Variants in CCDC85A observed in about 807,000 individuals in gnomAD.
The protein encoded by CCDC85A is coiled-coil domain-containing protein 85A.
CCDC85A carries 38 observed loss-of-function variants against 50.2 expected under a neutral mutation model. The observed-to-expected ratio is 0.76, with a 90% confidence interval of 0.58 to 0.99. The LOEUF is 0.99. Among genes scored for constraint, CCDC85A ranks in the 50% least tolerant of loss-of-function variants. The pLI is 0.00. For synonymous variants in CCDC85A, 366 were observed against 301.4 expected, an observed-to-expected ratio of 1.21 and a Z score of -2.22; for missense variants, 820 against 742.0, an observed-to-expected ratio of 1.11 and a Z score of -1.22.
At chr2:56,220,106 C>A (rs1001039258) in intron 2 of CCDC85A, among the ~76,000 whole-genome samples, 1 of 151,928 alleles carries the variant, frequency 6.6e-6, no homozygotes, top group African/African-American at 2.4e-5. Context: ...GAACAGTATG[C>A]ATGCATGGTG....
chr2:56,227,283 G>A (rs1668582596), intron 2 of CCDC85A, among the ~76,000 whole-genome samples: 2 of 152,122 alleles, frequency 1.3e-5, no homozygotes, highest in Non-Finnish European at 2.9e-5. Flanking sequence ...CTATACAACT[G>A]AGAATGTTAA....
At chr2:56,353,517 G>A (rs1426801366) in intron 3 of CCDC85A, among the ~76,000 whole-genome samples, 2 of 152,196 alleles carry the variant, frequency 1.3e-5, no homozygotes, top group African/African-American at 4.8e-5. Flanking sequence ...TTGGGCTCAT[G>A]CCTTATACAT....
At chr2:56,247,268 G>T (rs1669551928) in intron 2 of CCDC85A, among the ~76,000 whole-genome samples, 1 of 152,152 alleles carries the variant, frequency 6.6e-6, no homozygotes, top group East Asian at 1.9e-4. Flanking sequence ...AAGAGTAATA[G>T]TAACCCTCTC....
At chr2:56,277,105 T>C (rs529751346) in intron 2 of CCDC85A, among the ~76,000 whole-genome samples, 56 of 152,326 alleles carry the variant, frequency 3.7e-4, no homozygotes, top group African/African-American at 1.3e-3. Context: ...CTTTGATGAC[T>C]TTTTTCATTC....
intron 3 of CCDC85A, among the ~76,000 whole-genome samples, chr2:56,357,623 T>C (rs991389321): frequency 6.0e-5 from 9 of 151,000 alleles, no homozygotes; most frequent in South Asian, 2.1e-4. Flanking sequence ...AGAAGGGACA[T>C]TGTAGGTCAT....
intron 2 of CCDC85A, among the ~76,000 whole-genome samples, chr2:56,265,326 C>G (rs1005802256): frequency 3.3e-4 from 51 of 152,270 alleles, no homozygotes; most frequent in African/African-American, 1.2e-3. Flanking sequence ...CTTAACACAG[C>G]TACCTGTTAA....
intron 2 of CCDC85A, among the ~76,000 whole-genome samples, chr2:56,297,821 A>G (rs78488518): frequency 0.018 from 2,787 of 152,274 alleles, 97 homozygotes; most frequent in African/African-American, 0.063. Context: ...CATTTGGCCA[A>G]AGTGGGTGGC....
At chr2:56,333,079 G>C (rs979490050) in intron 2 of CCDC85A, among the ~76,000 whole-genome samples, 31 of 152,194 alleles carry the variant, frequency 2.0e-4, no homozygotes, top group African/African-American at 7.2e-4. Flanking sequence ...GGGAGAAACA[G>C]GCCTTATATA....
At chr2:56,298,792 C>T (rs952030006) in intron 2 of CCDC85A, among the ~76,000 whole-genome samples, 1 of 152,104 alleles carries the variant, frequency 6.6e-6, no homozygotes, top group Non-Finnish European at 1.5e-5. Context: ...ATGTATTTAA[C>T]CATGCATACC....
At chr2:56,356,785 C>T (rs1440313931) in intron 3 of CCDC85A, among the ~76,000 whole-genome samples, 9 of 151,290 alleles carry the variant, frequency 5.9e-5, no homozygotes. Context: ...AGATTGAGCC[C>T]TAGGCCGGGC....
chr2:56,313,031 T>C (rs1672765349), intron 2 of CCDC85A, among the ~76,000 whole-genome samples: 1 of 152,174 alleles, frequency 6.6e-6, no homozygotes, highest in South Asian at 2.1e-4. Context: ...CTTAACATGC[T>C]CATTTTATGG....
intron 2 of CCDC85A, among the ~76,000 whole-genome samples, chr2:56,222,245 A>C (rs79747899): frequency 6.6e-6 from 1 of 152,268 alleles, no homozygotes; most frequent in East Asian, 1.9e-4. Flanking sequence ...CAGTGTAGAC[A>C]CTGAGAAAAA....
chr2:56,271,308 G>A (rs1670686454), intron 2 of CCDC85A, among the ~76,000 whole-genome samples: 1 of 152,180 alleles, frequency 6.6e-6, no homozygotes, highest in African/African-American at 2.4e-5. Context: ...TAGCATGCGT[G>A]TTTAGGTGAG....
chr2:56,291,773 C>CT (rs35549209), intron 2 of CCDC85A, among the ~76,000 whole-genome samples: 14 of 115,510 alleles, frequency 1.2e-4, no homozygotes, highest in Admixed American at 3.5e-4. Context: ...AATGGGAAGG[C>CT]TTTTTTTTTT....
At chr2:56,307,259 GA>G (rs1416500855) in intron 2 of CCDC85A, among the ~76,000 whole-genome samples, 4 of 151,920 alleles carry the variant, frequency 2.6e-5, no homozygotes, top group Non-Finnish European at 4.4e-5. Context: ...TGCAAAGCAA[GA>G]AAAAAATGAT....
At chr2:56,365,368 T>G (rs1384519079) in intron 3 of CCDC85A, among the ~76,000 whole-genome samples, 1 of 152,198 alleles carries the variant, frequency 6.6e-6, no homozygotes, top group Non-Finnish European at 1.5e-5. Context: ...AGCACAGAGC[T>G]GATGTTAATC....
At chr2:56,352,073 C>T (rs536487718) in intron 3 of CCDC85A, among the ~76,000 whole-genome samples, 1 of 152,248 alleles carries the variant, frequency 6.6e-6, no homozygotes, top group Admixed American at 6.5e-5. Flanking sequence ...GAGATTTAGG[C>T]ACTTTTCATT....
intron 3 of CCDC85A, among the ~76,000 whole-genome samples, chr2:56,355,989 G>C (rs1351412485): frequency 6.6e-6 from 1 of 152,200 alleles, no homozygotes; most frequent in Non-Finnish European, 1.5e-5. Context: ...TCTATCAATT[G>C]TTTGTGACAA....
intron 2 of CCDC85A, among the ~76,000 whole-genome samples, chr2:56,237,371 A>G (rs1669064775): frequency 6.6e-6 from 1 of 152,228 alleles, no homozygotes; most frequent in Non-Finnish European, 1.5e-5. Flanking sequence ...CAGGAGGCAG[A>G]AAGCAGGTGT....
Sources: gnomAD v4.1 joint callset for allele counts (sites outside exome capture counted in the v4.1 genomes callset) on GRCh38, gnomAD v4.1.1 for gene constraint, MANE v1.5 for transcripts, NCBI Gene and HGNC (gene_info 2026-07-23, HGNC 2026-07-21) for gene names.